GPHN: variants seen among roughly 807,000 people sequenced by gnomAD.
GPHN encodes the protein gephyrin.
A neutral mutation model predicts 95.5 loss-of-function variants in GPHN; 17 were observed. The ratio of observed to expected loss-of-function variants is 0.18; its 90% CI spans 0.12 to 0.27. The LOEUF (loss-of-function observed/expected upper bound fraction) is 0.27. Among genes scored for constraint, GPHN ranks in the 10% least tolerant of loss-of-function variants. The pLI, the probability that GPHN is intolerant of heterozygous loss-of-function variation, is 1.00. For missense variants in GPHN, 660 were observed against 978.1 expected, an observed-to-expected ratio of 0.67 and a Z score of 4.34; for synonymous variants, 320 against 322.5, an observed-to-expected ratio of 0.99 and a Z score of 0.08.
At chr14:66,969,962 CGTTTTATTCCCTAAACATCTGAA>C (rs1398698813) in intron 9 of GPHN, 2 of 151,774 alleles carry the variant, frequency 1.3e-5, no homozygotes, top group South Asian at 4.1e-4. Context: ...ATTTTATTAT[CGTTTTATTCCCTAAACATCTGAA>C]GTTTGATTTT....
intron 9 of GPHN, among the ~76,000 whole-genome samples, chr14:66,993,293 A>G (rs115984078): frequency 1.8e-4 from 28 of 152,154 alleles, no homozygotes; most frequent in African/African-American, 6.3e-4. Context: ...GTCTTCAAAT[A>G]TGGAACTCTA....
intron 2 of GPHN, among the ~76,000 whole-genome samples, chr14:66,739,926 T>C (rs192525108): frequency 6.6e-6 from 1 of 151,928 alleles, no homozygotes; most frequent in Non-Finnish European, 1.5e-5. Flanking sequence ...CCTAGCAAAT[T>C]TGGAAAATAA....
the GPHN span, among the ~76,000 whole-genome samples, chr14:67,538,323 C>G: frequency 6.6e-6 from 1 of 152,198 alleles, no homozygotes; most frequent in Non-Finnish European, 1.5e-5. Context: ...CTCCTTAGCT[C>G]TATGCAAGGC....
At chr14:66,627,134 A>G (rs1448702059) in intron 1 of GPHN, among the ~76,000 whole-genome samples, 1 of 152,014 alleles carries the variant, frequency 6.6e-6, no homozygotes, top group Admixed American at 6.5e-5. Flanking sequence ...TATAATTACT[A>G]TTGAACTTAA....
intron 1 of GPHN, among the ~76,000 whole-genome samples, chr14:66,637,042 G>A (rs2064138845): frequency 6.6e-6 from 1 of 152,096 alleles, no homozygotes; most frequent in Non-Finnish European, 1.5e-5. Context: ...GTAAGTATTT[G>A]CCTTGCTTAC....
chr14:67,252,013 G>T, the GPHN span, among the ~76,000 whole-genome samples: 1 of 152,100 alleles, frequency 6.6e-6, no homozygotes, highest in Non-Finnish European at 1.5e-5. Flanking sequence ...CAAGGTGCTG[G>T]GAGGCTGGTT....
At chr14:66,987,562 CTT>C (rs1363840691) in intron 9 of GPHN, among the ~76,000 whole-genome samples, 1 of 151,868 alleles carries the variant, frequency 6.6e-6, no homozygotes. Flanking sequence ...TGGATGCAGT[CTT>C]GAATCAAAAA....
At chr14:67,413,322 G>A in the GPHN span, among the ~76,000 whole-genome samples, 4,712 of 151,588 alleles carry the variant, frequency 0.031, 116 homozygotes, top group Admixed American at 0.045. Flanking sequence ...GACTGGTCTC[G>A]AACTCCTGGG....
intron 1 of GPHN, among the ~76,000 whole-genome samples, chr14:66,635,831 T>TA (rs1021223634): frequency 5.3e-5 from 8 of 152,064 alleles, no homozygotes; most frequent in African/African-American, 9.7e-5. Flanking sequence ...GCTGTTTACT[T>TA]ACATTCTTAA....
the GPHN span, among the ~76,000 whole-genome samples, chr14:67,673,343 C>CA: frequency 6.8e-3 from 979 of 144,578 alleles, 21 homozygotes; most frequent in East Asian, 0.083. Flanking sequence ...GACCCTGTCT[C>CA]AAAAAAAAAA....
At chr14:66,665,413 AACAG>A (rs1396454068) in intron 1 of GPHN, among the ~76,000 whole-genome samples, 3 of 152,326 alleles carry the variant, frequency 2.0e-5, no homozygotes, top group East Asian at 3.9e-4. Flanking sequence ...GAAGAAAACA[AACAG>A]CACCATCAAC....
chr14:66,820,622 T>C (rs1188597453), intron 3 of GPHN, among the ~76,000 whole-genome samples: 1 of 152,184 alleles, frequency 6.6e-6, no homozygotes, highest in Non-Finnish European at 1.5e-5. Flanking sequence ...AGTTTGCATC[T>C]CTGTAGATTT....
the GPHN span, among the ~76,000 whole-genome samples, chr14:67,629,739 CTT>C: frequency 2.0e-5 from 3 of 152,216 alleles, no homozygotes; most frequent in East Asian, 5.8e-4. Flanking sequence ...TGCATAAAAA[CTT>C]TATAGTTTCA....
intron 3 of GPHN, among the ~76,000 whole-genome samples, chr14:66,811,484 C>T (rs1484704034): frequency 6.8e-6 from 1 of 147,094 alleles, no homozygotes; most frequent in Admixed American, 6.8e-5. Context: ...TATTTTTGGT[C>T]TTTTTAGTAA....
intron 5 of GPHN, among the ~76,000 whole-genome samples, chr14:66,905,055 A>T (rs1427655132): frequency 2.0e-5 from 3 of 152,016 alleles, no homozygotes; most frequent in Non-Finnish European, 2.9e-5. Context: ...CAATAAAATA[A>T]TTTCTAGATT....
At chr14:66,898,674 C>G (rs978755487) in intron 5 of GPHN, among the ~76,000 whole-genome samples, 2 of 151,836 alleles carry the variant, frequency 1.3e-5, no homozygotes, top group East Asian at 1.9e-4. Flanking sequence ...ACAGATTCCT[C>G]CCACTTTAGT....
At chr14:67,098,164 A>G (rs539110882) in intron 12 of GPHN, among the ~76,000 whole-genome samples, 9 of 151,958 alleles carry the variant, frequency 5.9e-5, no homozygotes, top group African/African-American at 2.2e-4. Context: ...AAAAAGATAA[A>G]CCTAACCTGG....
chr14:67,575,535 T>C, the GPHN span: 2 of 1,058,090 alleles, frequency 1.9e-6, no homozygotes, highest in South Asian at 2.7e-5. Flanking sequence ...TGACTGCCAC[T>C]CTATGTCCTG....
At chr14:66,921,502 C>G (rs558395765) in intron 6 of GPHN, among the ~76,000 whole-genome samples, 1 of 150,054 alleles carries the variant, frequency 6.7e-6, no homozygotes, top group Non-Finnish European at 1.5e-5. Flanking sequence ...TGGATATTAG[C>G]CCTTTGTCAG....
Sources: gnomAD v4.1 joint callset for allele counts (sites outside exome capture counted in the v4.1 genomes callset) on GRCh38, gnomAD v4.1.1 for gene constraint, MANE v1.5 for transcripts, NCBI Gene and HGNC (gene_info 2026-07-23, HGNC 2026-07-21) for gene names.